The following ESRRG variants were observed in gnomAD, a reference collection of about 807,000 sequenced individuals.
ESRRG encodes estrogen-related receptor gamma.
In ESRRG, 13 loss-of-function variants were observed where a neutral mutation model predicts 44.0. The ratio of observed to expected loss-of-function variants is 0.30; its 90% CI spans 0.19 to 0.47. ESRRG has a LOEUF of 0.47. Ranked by LOEUF, ESRRG falls within the 20% of genes least tolerant of loss-of-function variation. The probability of loss-of-function intolerance (pLI) is 1.00; values close to 1 mark genes in which losing one functional copy is unlikely to be tolerated. For missense variants in ESRRG, 395 were observed against 580.6 expected (o/e 0.68, Z 3.29); for synonymous variants, 215 against 214.6 (o/e 1.00, Z -0.02).
chr1:216,871,882 C>T (rs553979834), intron 2 of ESRRG, among the ~76,000 whole-genome samples: 1 of 152,106 alleles, frequency 6.6e-6, no homozygotes, highest in South Asian at 2.1e-4. Flanking sequence ...ATAGGTACCC[C>T]AATACTTACT....
At chr1:216,736,275 C>T (rs1211179411) in intron 2 of ESRRG, among the ~76,000 whole-genome samples, 1 of 148,732 alleles carries the variant, frequency 6.7e-6, no homozygotes, top group Non-Finnish European at 1.5e-5. Context: ...CTCCGCCTCC[C>T]GGTTTCACGC....
chr1:216,778,723 A>G (rs1374450880), intron 2 of ESRRG, among the ~76,000 whole-genome samples: 1 of 152,008 alleles, frequency 6.6e-6, no homozygotes, highest in Non-Finnish European at 1.5e-5. Context: ...CTACTTGATT[A>G]GAAATAGTAA....
intron 1 of ESRRG, among the ~76,000 whole-genome samples, chr1:217,040,414 C>T (rs1579940947): frequency 6.6e-6 from 1 of 152,116 alleles, no homozygotes; most frequent in East Asian, 1.9e-4. Context: ...GAAAAATATC[C>T]CCCTTTTTTT....
chr1:216,926,150 C>T (rs564567435), intron 2 of ESRRG, among the ~76,000 whole-genome samples: 12 of 152,322 alleles, frequency 7.9e-5, no homozygotes, highest in East Asian at 1.9e-4. Flanking sequence ...AGGAGCACCT[C>T]GGGCACTTAT....
At chr1:216,528,428 A>T (rs6695067) in intron 5 of ESRRG, among the ~76,000 whole-genome samples, 52,480 of 151,936 alleles carry the variant, frequency 0.35, 9,201 homozygotes, top group Non-Finnish European at 0.36. Flanking sequence ...CTTCATGATA[A>T]TGTCACAATT....
At chr1:217,074,048 C>CTTT (rs1181569293) in intron 1 of ESRRG, among the ~76,000 whole-genome samples, 8 of 134,400 alleles carry the variant, frequency 6.0e-5, no homozygotes, top group Admixed American at 1.5e-4. Context: ...ATTATGAATG[C>CTTT]TTTTTTTTTT....
intron 1 of ESRRG, among the ~76,000 whole-genome samples, chr1:217,026,904 C>CAG (rs1487196305): frequency 2.5e-5 from 2 of 80,502 alleles, no homozygotes; most frequent in African/African-American, 8.7e-5. Flanking sequence ...CACACACACA[C>CAG]ACACACACAG....
intron 1 of ESRRG, among the ~76,000 whole-genome samples, chr1:217,027,645 A>G (rs993232493): frequency 1.3e-5 from 2 of 152,200 alleles, no homozygotes; most frequent in Non-Finnish European, 1.5e-5. Context: ...CTATATGTGA[A>G]AAGAAAAAGT....
chr1:217,110,058 T>G (rs1323939702), intron 1 of ESRRG, among the ~76,000 whole-genome samples: 2 of 152,176 alleles, frequency 1.3e-5, no homozygotes, highest in African/African-American at 4.8e-5. Context: ...AAAGTCCATG[T>G]GTCAGCCTTC....
intron 2 of ESRRG, among the ~76,000 whole-genome samples, chr1:216,928,891 G>A (rs535507342): frequency 1.3e-5 from 2 of 152,258 alleles, no homozygotes; most frequent in South Asian, 4.1e-4. Flanking sequence ...CGTATTTGAG[G>A]CACCCAGAGT....
At chr1:216,567,096 A>G (rs1419199647) in intron 4 of ESRRG, among the ~76,000 whole-genome samples, 1 of 152,118 alleles carries the variant, frequency 6.6e-6, no homozygotes, top group African/African-American at 2.4e-5. Context: ...CTACAGATGC[A>G]TTTTCCTCTG....
At chr1:216,768,297 G>A (rs980033758) in intron 2 of ESRRG, among the ~76,000 whole-genome samples, 1 of 152,134 alleles carries the variant, frequency 6.6e-6, no homozygotes, top group Non-Finnish European at 1.5e-5. Context: ...AATTTCAGGA[G>A]AACAAATGAT....
intron 3 of ESRRG, among the ~76,000 whole-genome samples, chr1:216,620,085 C>G (rs928995237): frequency 6.6e-6 from 1 of 152,118 alleles, no homozygotes; most frequent in African/African-American, 2.4e-5. Flanking sequence ...GAGCCTTCCA[C>G]ACTCTAATAG....
At chr1:217,061,529 A>G (rs1263737489) in intron 1 of ESRRG, among the ~76,000 whole-genome samples, 1 of 152,128 alleles carries the variant, frequency 6.6e-6, no homozygotes, top group African/African-American at 2.4e-5. Flanking sequence ...ACTATAGAAG[A>G]GGTAAGCCCA....
chr1:217,013,662 G>T (rs2078951810), intron 1 of ESRRG, among the ~76,000 whole-genome samples: 1 of 152,142 alleles, frequency 6.6e-6, no homozygotes, highest in South Asian at 2.1e-4. Context: ...ATAAAAGATT[G>T]TTTAGTGCTT....
chr1:216,988,280 A>T (rs11572449), intron 1 of ESRRG, among the ~76,000 whole-genome samples: 2,052 of 152,344 alleles, frequency 0.013, 21 homozygotes, highest in Non-Finnish European at 0.02. Context: ...TGAATGTGAC[A>T]TTTGAGGGTG....
intron 1 of ESRRG, 60 bp from the exon 2 acceptor site, chr1:216,677,551 C>T: frequency 7.2e-7 from 1 of 1,386,024 alleles, no homozygotes; most frequent in Admixed American, 2.5e-5. Context: ...GCACAGAGAC[C>T]AAAAGAGGTA....
intron 2 of ESRRG, among the ~76,000 whole-genome samples, chr1:216,913,520 A>G (rs548908596): frequency 2.6e-5 from 4 of 152,364 alleles, no homozygotes; most frequent in South Asian, 2.1e-4. Flanking sequence ...GTTTAAAATA[A>G]TGTATCATTA....
At chr1:216,525,889 T>G (rs2047504962) in intron 5 of ESRRG, among the ~76,000 whole-genome samples, 1 of 152,140 alleles carries the variant, frequency 6.6e-6, no homozygotes, top group Non-Finnish European at 1.5e-5. Context: ...CAGTCCCACT[T>G]TGGAACCAGA....
Sources: allele counts gnomAD v4.1 joint callset (sites outside exome capture counted in the v4.1 genomes callset), GRCh38; gene constraint gnomAD v4.1.1; transcripts MANE v1.5; gene names NCBI Gene and HGNC (gene_info 2026-07-23, HGNC 2026-07-21).